ACTL8: variants seen among roughly 807,000 people sequenced by gnomAD.
The protein encoded by ACTL8 is actin like 8, also known as actin-like protein 8.
A neutral mutation model predicts 9.3 loss-of-function variants in ACTL8; 3 were observed. That is an observed-to-expected ratio of 0.32 (90% CI 0.15 to 0.83). The LOEUF is 0.83. Among genes scored for constraint, ACTL8 ranks in the 40% least tolerant of loss-of-function variants. The pLI is 0.57. For missense variants in ACTL8, 381 were observed against 492.2 expected (o/e 0.77, Z 2.14); for synonymous variants, 224 against 205.9 (o/e 1.09, Z -0.75).
intron 1 of ACTL8, among the ~76,000 whole-genome samples, chr1:17,808,980 T>G (rs2066376761): frequency 6.6e-6 from 1 of 152,104 alleles, no homozygotes; most frequent in Non-Finnish European, 1.5e-5. Context: ...GTTGAAGAGT[T>G]TGGAGCAGGA....
At chr1:17,785,228 C>T (rs887507513) in intron 1 of ACTL8, among the ~76,000 whole-genome samples, 2 of 152,124 alleles carry the variant, frequency 1.3e-5, no homozygotes, top group Admixed American at 6.6e-5. Context: ...AGTTGTATGA[C>T]CTTTAAATCT....
Position 17,789,018 on chromosome 1 carries a change from T to C in ACTL8, c.-25+33514T>C, listed in dbSNP as rs2066219111. ...ACCTGCAGAGTGCAGGAGACAGAAT[T>C]AGAACTGCATTTCTATTTATGTTCT... On this transcript the variant is annotated intron_variant, in intron 1 of 2. Transcript: ENST00000375406. Among the ~76,000 whole-genome samples, 3 of 152,366 alleles carry C rather than the reference T, an allele frequency of 2.0e-5. No homozygotes were observed. The South Asian group carries it at 6.2e-4, about 32-fold the overall frequency.
At chr1:17,797,255 C>T (rs564613224) in intron 1 of ACTL8, among the ~76,000 whole-genome samples, 3 of 152,092 alleles carry the variant, frequency 2.0e-5, no homozygotes, top group South Asian at 2.1e-4. Context: ...TGTGGCAGTT[C>T]GCGGTGATGC....
chr1:17,771,966 A>C (rs1019178828), intron 1 of ACTL8, among the ~76,000 whole-genome samples: 16 of 152,178 alleles, frequency 1.1e-4, no homozygotes, highest in Non-Finnish European at 7.4e-5. Flanking sequence ...TGACATGCAC[A>C]GGCCACATTC....
intron 1 of ACTL8, among the ~76,000 whole-genome samples, chr1:17,798,033 G>A (rs995442156): frequency 6.6e-6 from 1 of 152,118 alleles, no homozygotes; most frequent in Non-Finnish European, 1.5e-5. Flanking sequence ...GTTTTGTCCC[G>A]GAGTAGATTG....
At chr1:17,770,729 A>G (rs1339088593) in intron 1 of ACTL8, among the ~76,000 whole-genome samples, 1 of 152,234 alleles carries the variant, frequency 6.6e-6, no homozygotes, top group Non-Finnish European at 1.5e-5. Context: ...TCTAGAGGTC[A>G]TAGTGGCCAA....
intron 1 of ACTL8, among the ~76,000 whole-genome samples, chr1:17,797,626 A>G (rs2066286904): frequency 6.6e-6 from 1 of 152,236 alleles, no homozygotes; most frequent in Non-Finnish European, 1.5e-5. Context: ...TCCTGCCTTC[A>G]GAATGCAGTG....
intron 1 of ACTL8, among the ~76,000 whole-genome samples, chr1:17,770,994 A>G (rs1201820735): frequency 6.6e-6 from 1 of 152,212 alleles, no homozygotes; most frequent in African/African-American, 2.4e-5. Flanking sequence ...CTCATCTGTA[A>G]TGGGAAGATG....
chr1:17,776,994 T>A (rs1398346848), intron 1 of ACTL8, among the ~76,000 whole-genome samples: 2 of 136,162 alleles, frequency 1.5e-5, no homozygotes, highest in African/African-American at 5.6e-5. Context: ...TTTTTTTTTT[T>A]TTTTTTTTTT....
intron 1 of ACTL8, among the ~76,000 whole-genome samples, chr1:17,801,752 AT>A (rs2066324308): frequency 6.6e-6 from 1 of 152,262 alleles, no homozygotes; most frequent in East Asian, 1.9e-4. Flanking sequence ...AAAATTGAGA[AT>A]TATCTGTAAA....
At chr1:17,769,441 A>C (rs2066069149) in intron 1 of ACTL8, among the ~76,000 whole-genome samples, 1 of 152,240 alleles carries the variant, frequency 6.6e-6, no homozygotes, top group African/African-American at 2.4e-5. Context: ...GGTAGATAGT[A>C]ACCCACCTTC....
chr1:17,778,173 G>T (rs921771822), intron 1 of ACTL8, among the ~76,000 whole-genome samples: 6 of 152,196 alleles, frequency 3.9e-5, no homozygotes, highest in Non-Finnish European at 7.3e-5. Flanking sequence ...AAAAGCTGTG[G>T]GTTGGCCCCT....
intron 1 of ACTL8, among the ~76,000 whole-genome samples, chr1:17,791,822 A>T (rs1449452284): frequency 6.6e-6 from 1 of 152,224 alleles, no homozygotes; most frequent in Non-Finnish European, 1.5e-5. Flanking sequence ...TCCCAGGGGG[A>T]TGGATCCCTG....
intron 1 of ACTL8, among the ~76,000 whole-genome samples, chr1:17,804,164 G>A (rs1244219550): frequency 6.6e-6 from 1 of 152,156 alleles, no homozygotes; most frequent in African/African-American, 2.4e-5. Flanking sequence ...TGACATTCTT[G>A]GCCCTGTCCT....
chr1:17,767,958 G>C lies in ACTL8; in HGVS notation c.-25+12454G>C, dbSNP rs1453872760. On this transcript the variant is annotated intron_variant, in intron 1 of 2. Coordinates refer to ENST00000375406, the MANE Select transcript of ACTL8 (RefSeq NM_030812.3). This position sits in a 1 kb window ranked among gnomAD's most constrained non-coding sequence, Gnocchi z 4.7. ...CCTCTGGTGGGACTGGGTGTCTGTG[G>C]GTTCAGTCCTGGGGGGCAGGGGTGA... 6.6e-6 allele frequency among the ~76,000 whole-genome samples: 1 copy of C among 152,090 alleles called. No individual in the cohort carries two copies. Among genetic ancestry groups the C allele is most frequent in the Non-Finnish European group, 1.5e-5 (1 of 68,018 alleles).
intron 1 of ACTL8, among the ~76,000 whole-genome samples, chr1:17,820,117 A>G (rs1283020096): frequency 6.6e-6 from 1 of 152,210 alleles, no homozygotes; most frequent in Non-Finnish European, 1.5e-5. Context: ...AAGATACAGC[A>G]TAGTTCCATC....
chr1:17,795,276 C>T (rs1197515039), intron 1 of ACTL8, among the ~76,000 whole-genome samples: 1 of 152,114 alleles, frequency 6.6e-6, no homozygotes, highest in Non-Finnish European at 1.5e-5. Flanking sequence ...GAAGACAGCC[C>T]CTCCCCACCG....
intron 1 of ACTL8, among the ~76,000 whole-genome samples, chr1:17,757,654 C>A (rs922597248): frequency 6.6e-6 from 1 of 152,186 alleles, no homozygotes; most frequent in Non-Finnish European, 1.5e-5. Flanking sequence ...GTGGTCAGAT[C>A]TCAGCATGTT....
chr1:17,796,299 C>T (rs373275950), intron 1 of ACTL8, among the ~76,000 whole-genome samples: 6,004 of 124,504 alleles, frequency 0.048, 411 homozygotes, highest in African/African-American at 0.17. Context: ...TCTGTGCATG[C>T]GTGCACCTGT....
Sources: allele counts gnomAD v4.1 joint callset (sites outside exome capture counted in the v4.1 genomes callset), GRCh38; gene constraint gnomAD v4.1.1; non-coding constraint Gnocchi (gnomAD v3.1); transcripts MANE v1.5; gene names NCBI Gene and HGNC (gene_info 2026-07-23, HGNC 2026-07-21).